RNF157: variants seen among roughly 807,000 people sequenced by gnomAD.
RNF157 encodes the protein E3 ubiquitin ligase RNF157.
A neutral mutation model predicts 88.3 loss-of-function variants in RNF157; 55 were observed. The ratio of observed to expected loss-of-function variants is 0.62; its 90% CI spans 0.50 to 0.78. The LOEUF is 0.78. Ranked by LOEUF, RNF157 falls within the 30% of genes least tolerant of loss-of-function variation. The pLI is 0.00. For missense variants in RNF157, 788 were observed against 860.8 expected, an observed-to-expected ratio of 0.92 and a Z score of 1.06; for synonymous variants, 334 against 341.2, an observed-to-expected ratio of 0.98 and a Z score of 0.23.
At position 76,166,998 on chromosome 17, in the gene RNF157, A is replaced by T; in HGVS notation, c.561+11T>A. 3.1e-6 allele frequency: 5 copies of T among 1,590,308 alleles called. No individual in the cohort carries two copies. The South Asian group carries it at 5.6e-5, about 18-fold the overall frequency. The stretch of plus-strand genomic sequence containing the variant: ...AGTGGATGTGGGAAACCCTCCCCAG[A>T]GGCAGCTCACCTCCTCTTCGGCCCA... On this transcript the variant is annotated intron_variant, in intron 5 of 18. Transcript: ENST00000269391.
chr17:76,188,065 G>A (rs1376327148), intron 2 of RNF157, among the ~76,000 whole-genome samples: 1 of 152,200 alleles, frequency 6.6e-6, no homozygotes, highest in African/African-American at 2.4e-5. Flanking sequence ...CCCAATAGCA[G>A]TGGGCAGCCA....
chr17:76,191,045 C>T (rs1025698816), intron 2 of RNF157, among the ~76,000 whole-genome samples: 2 of 151,076 alleles, frequency 1.3e-5, no homozygotes, highest in African/African-American at 4.9e-5. Context: ...AAAAAAGTTA[C>T]GATATGGATT....
chr17:76,185,186 G>A (rs1177914000), intron 2 of RNF157, among the ~76,000 whole-genome samples: 1 of 152,102 alleles, frequency 6.6e-6, no homozygotes, highest in Non-Finnish European at 1.5e-5. Context: ...ACATGGCTAC[G>A]TGAACTGCTT....
chr17:76,161,456 A>T lies in RNF157; in HGVS notation c.1065+79T>A. ...TGGTCTAATTCCTTGCTGCAATGCCACGTAGAGAAGCATGAAAAGTTTAAA... is the reference window on the plus strand; with the variant it reads ...TGGTCTAATTCCTTGCTGCAATGCCTCGTAGAGAAGCATGAAAAGTTTAAA... On this transcript the variant is annotated intron_variant, in intron 11 of 18. Transcript: ENST00000269391. This position sits in a 1 kb window ranked among gnomAD's most constrained non-coding sequence, Gnocchi z 4.6. 9.2e-7 allele frequency: 1 copy of T among 1,081,360 alleles called. No individual in the cohort carries two copies. The highest frequency in any genetic ancestry group is 1.4e-6 in the Non-Finnish European group (1 of 698,628). 67.0% of individuals were successfully genotyped at this position (1,081,360 alleles called of 1,614,324 possible).
intron 2 of RNF157, among the ~76,000 whole-genome samples, chr17:76,174,262 C>T (rs1486199655): frequency 3.3e-5 from 5 of 152,172 alleles, no homozygotes; most frequent in Admixed American, 3.3e-4. Flanking sequence ...ATCATGTGTA[C>T]AGAGCTGAAG....
chr17:76,219,440 T>C (rs964302573), intron 1 of RNF157, among the ~76,000 whole-genome samples: 3 of 151,916 alleles, frequency 2.0e-5, no homozygotes, highest in Non-Finnish European at 4.4e-5. Context: ...AGAGTGGCTA[T>C]GAAGATATAT....
At chr17:76,154,641 A>G in intron 16 of RNF157, 2 of 296,666 alleles carry the variant, frequency 6.7e-6, no homozygotes, top group Non-Finnish European at 1.3e-5. Context: ...TTACTAAATG[A>G]AAGAGCAAAT....
At chr17:76,169,034 A>G (rs2068971891) in intron 3 of RNF157, among the ~76,000 whole-genome samples, 1 of 152,162 alleles carries the variant, frequency 6.6e-6, no homozygotes, top group Non-Finnish European at 1.5e-5. Flanking sequence ...GGTCCTTTCC[A>G]TTTAGAAACT....
rs201297855 is a variant in RNF157 at position 76,152,554 on chromosome 17, C to CAA, written c.1811-91_1811-90dup. The CAA allele has an allele frequency of 4.1e-6, 3 of 735,352 alleles. No homozygotes were observed. The African/African-American group carries it at 5.4e-5, about 13-fold the overall frequency. The allele number at this position is 735,352 out of a possible 1,614,324, so 45.6% of individuals were successfully genotyped here. A position where few individuals can be genotyped will look rare whatever the true frequency, so the allele number is the denominator to read the frequency against. On this transcript the variant is annotated intron_variant, in intron 17 of 18. Transcript: ENST00000269391. ...AAAATAAAAATCTTAAGGATGGAGACAAAAAAAATCAAATCATATGTTAAA... is the reference window on the plus strand; with the variant it reads ...AAAATAAAAATCTTAAGGATGGAGACAAAAAAAAAATCAAATCATATGTTAAA...
chr17:76,240,069 CG>C lies in RNF157; in HGVS notation c.88+83del. On this transcript the variant is annotated intron_variant, in intron 1 of 18. Coordinates refer to ENST00000269391, the MANE Select transcript of RNF157 (RefSeq NM_052916.3). This position sits in a 1 kb window ranked among gnomAD's most constrained non-coding sequence, Gnocchi z 4.4. ...CAACCACTGAGTCCCCGAAGACCCG[CG>C]GGGCCCCCTCAGGCCGTCCCGACCC... is the stretch of plus-strand genomic sequence containing the variant. The C allele has an allele frequency of 2.6e-6, 2 of 771,674 alleles. No individual in the cohort carries two copies. Among genetic ancestry groups the C allele is most frequent in the Non-Finnish European group, 1.7e-6 (1 of 581,504 alleles). The allele number at this position is 771,674 out of a possible 1,614,324, so 47.8% of individuals were successfully genotyped here.
intron 2 of RNF157, chr17:76,202,596 A>AT (rs2069603698): frequency 6.5e-6 from 1 of 154,434 alleles, no homozygotes; most frequent in South Asian, 2.0e-4. Context: ...GGACCACATC[A>AT]TTCAGCAAAG....
chr17:76,153,015 T>C (rs1307236585), intron 17 of RNF157: 2 of 152,414 alleles, frequency 1.3e-5, no homozygotes, highest in African/African-American at 4.8e-5. Flanking sequence ...ACCTGAGTTG[T>C]TATTTTCAGT....
chr17:76,182,876 A>T (rs1285267236), intron 2 of RNF157, among the ~76,000 whole-genome samples: 7 of 146,246 alleles, frequency 4.8e-5, no homozygotes, highest in Non-Finnish European at 3.0e-5. Flanking sequence ...CCTATATATC[A>T]TAATAATATG....
At chr17:76,226,713 C>T in intron 1 of RNF157, 1 of 1,611,722 alleles carries the variant, frequency 6.2e-7, no homozygotes, top group Admixed American at 1.7e-5. Context: ...TCTAAGAGAC[C>T]TATGCTTTCT....
chr17:76,226,564 C>T lies in RNF157; in HGVS notation c.88+13589G>A. The T allele has an allele frequency of 2.5e-6, 4 of 1,613,680 alleles. No homozygotes were observed. The South Asian group carries it at 4.4e-5, about 18-fold the overall frequency. ...CCATTTTCTCCAACATCCAATGTGT[C>T]CCAGAGAAGGCATCCTCCTTGCTGT... On this transcript the variant is annotated intron_variant, in intron 1 of 18. Coordinates refer to ENST00000269391, the MANE Select transcript of RNF157 (RefSeq NM_052916.3).
chr17:76,152,630 T>C (rs2068698132), intron 17 of RNF157, 165 bp from the exon 18 acceptor site: 2 of 580,762 alleles, frequency 3.4e-6, no homozygotes, highest in South Asian at 3.9e-5. Flanking sequence ...GGAATCACGT[T>C]GTGTGGGCAT....
intron 1 of RNF157, among the ~76,000 whole-genome samples, chr17:76,216,807 C>T (rs952779910): frequency 4.6e-5 from 7 of 152,008 alleles, no homozygotes; most frequent in African/African-American, 1.7e-4. Flanking sequence ...GGGAGGATCA[C>T]TTGAGCCCAG....
intron 2 of RNF157, among the ~76,000 whole-genome samples, chr17:76,180,718 C>A (rs2069175560): frequency 6.6e-6 from 1 of 152,282 alleles, no homozygotes; most frequent in African/African-American, 2.4e-5. Flanking sequence ...AGCCACCACA[C>A]CTGGTCTTTT....
At chr17:76,159,284 G>A in intron 12 of RNF157, 51 bp downstream of exon 12, 1 of 1,467,662 alleles carries the variant, frequency 6.8e-7, no homozygotes, top group Non-Finnish European at 9.5e-7. Flanking sequence ...GAGGGATGAA[G>A]CATTTCATCA....
Sources: gnomAD v4.1 joint callset for allele counts (sites outside exome capture counted in the v4.1 genomes callset) on GRCh38, gnomAD v4.1.1 for gene constraint, Gnocchi (gnomAD v3.1) non-coding constraint, MANE v1.5 for transcripts, NCBI Gene and HGNC (gene_info 2026-07-23, HGNC 2026-07-21) for gene names.